NTN1: variants seen among roughly 807,000 people sequenced by gnomAD.
NTN1 encodes netrin-1.
Under a neutral mutation model 54.2 loss-of-function variants are expected in NTN1, and 11 were observed. That is an observed-to-expected ratio of 0.20 (90% CI 0.13 to 0.34). The LOEUF is 0.34. NTN1 is among the 10% of genes least tolerant of loss of function. The probability of loss-of-function intolerance (pLI) is 1.00; values close to 1 mark genes in which losing one functional copy is unlikely to be tolerated. For missense variants in NTN1, 740 were observed against 893.1 expected, an observed-to-expected ratio of 0.83 and a Z score of 2.18; for synonymous variants, 371 against 382.0, an observed-to-expected ratio of 0.97 and a Z score of 0.33.
At chr17:9,057,318 G>T (rs540627343) in intron 2 of NTN1, among the ~76,000 whole-genome samples, 1 of 152,292 alleles carries the variant, frequency 6.6e-6, no homozygotes, top group East Asian at 1.9e-4. Flanking sequence ...GGCAATTGGG[G>T]TATGTTGGCT....
chr17:9,067,246 G>C (rs928514744), intron 2 of NTN1, among the ~76,000 whole-genome samples: 1 of 141,296 alleles, frequency 7.1e-6, no homozygotes, highest in African/African-American at 2.7e-5. Context: ...CAGCCTGGGC[G>C]ACAGAGCAAG....
chr17:9,227,808 C>G (rs1421383712), intron 6 of NTN1, among the ~76,000 whole-genome samples: 1 of 129,458 alleles, frequency 7.7e-6, no homozygotes. Flanking sequence ...CATTCACACA[C>G]TATCCCACAC....
In NTN1 at chr17:9,211,271, T is replaced by A. The variant is rs1170768977; in HGVS notation, c.1412-9897T>A. Among the ~76,000 whole-genome samples, 2 of 152,170 alleles carry A rather than the reference T, an allele frequency of 1.3e-5. No homozygotes were observed. The highest frequency in any genetic ancestry group is 2.9e-5 in the Non-Finnish European group (2 of 68,024). On this transcript the variant is annotated intron_variant, in intron 5 of 6. Coordinates refer to ENST00000173229, the MANE Select transcript of NTN1 (RefSeq NM_004822.3). This position sits in a 1 kb window ranked among gnomAD's most constrained non-coding sequence, Gnocchi z 4.4. ...TTGCAACTGCCGAGTGCTGGGATGC[T>A]CCTCCCTGCACTTCCTGGGGCTGAT... is the stretch of plus-strand genomic sequence containing the variant.
At chr17:9,190,583 G>A (rs1386263171) in intron 5 of NTN1, among the ~76,000 whole-genome samples, 1 of 152,218 alleles carries the variant, frequency 6.6e-6, no homozygotes, top group Admixed American at 6.5e-5. Context: ...CAGGTGCAGT[G>A]GCTCACGCCT....
At chr17:9,176,247 G>A (rs1168094618) in intron 3 of NTN1, 4 of 152,522 alleles carry the variant, frequency 2.6e-5, no homozygotes, top group Non-Finnish European at 5.9e-5. Flanking sequence ...GCGTGGGTGA[G>A]TTTGTAGATA....
chr17:9,085,092 A>G (rs1374813476), intron 2 of NTN1, among the ~76,000 whole-genome samples: 1 of 152,210 alleles, frequency 6.6e-6, no homozygotes, highest in Non-Finnish European at 1.5e-5. Context: ...CCTCCTGGTT[A>G]GCTGTAGGCT....
chr17:9,056,161 A>G (rs2091978816), intron 2 of NTN1, among the ~76,000 whole-genome samples: 1 of 152,154 alleles, frequency 6.6e-6, no homozygotes, highest in African/African-American at 2.4e-5. Context: ...GGTTCAAGCA[A>G]TTCTCCTGCC....
At chr17:9,209,323 G>A (rs536667507) in intron 5 of NTN1, among the ~76,000 whole-genome samples, 2 of 152,302 alleles carry the variant, frequency 1.3e-5, no homozygotes, top group Admixed American at 1.3e-4. Flanking sequence ...GCCACGGTGA[G>A]CTGCAAGGGA....
At chr17:9,144,145 C>T (rs2092306451) in intron 2 of NTN1, among the ~76,000 whole-genome samples, 1 of 152,148 alleles carries the variant, frequency 6.6e-6, no homozygotes, top group African/African-American at 2.4e-5. Flanking sequence ...ATCCACCCAT[C>T]TCGGCCTCCT....
intron 2 of NTN1, among the ~76,000 whole-genome samples, chr17:9,031,538 C>T (rs2091888360): frequency 6.6e-6 from 1 of 152,198 alleles, no homozygotes; most frequent in Non-Finnish European, 1.5e-5. Flanking sequence ...TTTTGGTCCC[C>T]TTCTGAAGAC....
chr17:9,140,751 G>C (rs1376025373), intron 2 of NTN1, among the ~76,000 whole-genome samples: 3 of 152,200 alleles, frequency 2.0e-5, no homozygotes, highest in Non-Finnish European at 4.4e-5. Context: ...TCTGACCTTT[G>C]TCCTGCACAG....
intron 2 of NTN1, among the ~76,000 whole-genome samples, chr17:9,152,240 G>T (rs1329673797): frequency 6.6e-6 from 1 of 152,152 alleles, no homozygotes; most frequent in Non-Finnish European, 1.5e-5. Context: ...GAACCCACTG[G>T]CAGGAACCAA....
At chr17:9,007,135 TTTCTC>T in the NTN1 span, among the ~76,000 whole-genome samples, 2 of 152,152 alleles carry the variant, frequency 1.3e-5, no homozygotes, top group African/African-American at 2.4e-5. Context: ...TCTTTCTTTC[TTTCTC>T]TTTTTTCTTT....
chr17:9,103,043 C>T (rs1381233129), intron 2 of NTN1, among the ~76,000 whole-genome samples: 2 of 152,090 alleles, frequency 1.3e-5, no homozygotes, highest in Non-Finnish European at 1.5e-5. Flanking sequence ...GGTTCTTGGC[C>T]TGAGGCTGAT....
At chr17:9,189,083 G>A (rs1904380899) in intron 5 of NTN1, among the ~76,000 whole-genome samples, 1 of 152,202 alleles carries the variant, frequency 6.6e-6, no homozygotes, top group African/African-American at 2.4e-5. Flanking sequence ...CTCAGGGAAG[G>A]AGGAGACAAC....
chr17:9,045,434 G>A (rs1435013133), intron 2 of NTN1, among the ~76,000 whole-genome samples: 1 of 152,206 alleles, frequency 6.6e-6, no homozygotes, highest in East Asian at 1.9e-4. Flanking sequence ...CTCTGTGGAA[G>A]AGCATTTCCA....
rs1292038163 is a variant in NTN1 at position 9,099,929 on chromosome 17, C to T, written c.1019-62884C>T. 3.9e-5 allele frequency among the ~76,000 whole-genome samples: 6 copies of T among 152,074 alleles called. No individual in the cohort carries two copies. In the Middle Eastern group the frequency reaches 0.01, roughly 260 times the overall value. On this transcript the variant is annotated intron_variant, in intron 2 of 6. Coordinates refer to ENST00000173229, the MANE Select transcript of NTN1 (RefSeq NM_004822.3). The stretch of plus-strand genomic sequence containing the variant: ...TAGAAGAAAAATGTACTGAGTAATC[C>T]TTTCCACCTAGGAACAATGATAATT...
At chr17:9,208,726 C>T (rs924548999) in intron 5 of NTN1, among the ~76,000 whole-genome samples, 20 of 152,216 alleles carry the variant, frequency 1.3e-4, no homozygotes, top group Non-Finnish European at 1.2e-4. Context: ...ATTCTACCAC[C>T]GTGCACTCCA....
In NTN1 at chr17:9,163,453, G is replaced by A. The variant is rs187385687; in HGVS notation, c.1207+452G>A. 3.2e-3 allele frequency among the ~76,000 whole-genome samples: 450 copies of A among 139,922 alleles called. 1 individual carries two copies. Among genetic ancestry groups the A allele is most frequent in the African/African-American group, 0.011 (422 of 38,850 alleles). 91.8% of individuals were successfully genotyped at this position (139,922 alleles called of 152,430 possible). A position where few individuals can be genotyped will look rare whatever the true frequency, so the allele number is the denominator to read the frequency against. ...CAGACTCACTTCTTTGGATATGTGC[G>A]CACCGCCCCTCACTCCCCCCCGAAA... On this transcript the variant is annotated intron_variant, in intron 3 of 6. Coordinates refer to ENST00000173229, the MANE Select transcript of NTN1 (RefSeq NM_004822.3).
Sources: allele counts gnomAD v4.1 joint callset (sites outside exome capture counted in the v4.1 genomes callset), GRCh38; gene constraint gnomAD v4.1.1; non-coding constraint Gnocchi (gnomAD v3.1); transcripts MANE v1.5; gene names NCBI Gene and HGNC (gene_info 2026-07-23, HGNC 2026-07-21).